Variants in KIRREL3 observed in about 807,000 individuals in gnomAD.
The protein encoded by KIRREL3 is kirre like nephrin family adhesion molecule 3.
In KIRREL3, 36 loss-of-function variants were observed where a neutral mutation model predicts 89.7. The observed-to-expected ratio is 0.40, with a 90% CI of 0.31 to 0.53. The LOEUF (loss-of-function observed/expected upper bound fraction) is 0.53, where lower values mean the gene tolerates loss of function less well. KIRREL3 is among the 20% of genes least tolerant of loss of function. The pLI is 0.49. For synonymous variants in KIRREL3, 445 were observed against 441.4 expected (o/e 1.01, Z -0.10); for missense variants, 864 against 1,056.6 (o/e 0.82, Z 2.53).
At chr11:126,621,393 G>A (rs1262005916) in intron 1 of KIRREL3, among the ~76,000 whole-genome samples, 1 of 152,222 alleles carries the variant, frequency 6.6e-6, no homozygotes, top group African/African-American at 2.4e-5. Context: ...GTTTTTGCTT[G>A]TTCTGTGAAG....
chr11:126,849,614 T>C (rs1017107953), intron 1 of KIRREL3, among the ~76,000 whole-genome samples: 1 of 152,102 alleles, frequency 6.6e-6, no homozygotes, highest in Non-Finnish European at 1.5e-5. Flanking sequence ...GGAAATCAGC[T>C]GCAGAAGGAG....
intron 1 of KIRREL3, among the ~76,000 whole-genome samples, chr11:126,957,348 A>T (rs910132370): frequency 6.6e-5 from 10 of 152,344 alleles, no homozygotes; most frequent in South Asian, 2.1e-4. Flanking sequence ...TCAGGATGTT[A>T]TCTTACTTGG....
chr11:126,768,170 A>ATCCAATCCATCC lies in KIRREL3; in HGVS notation c.56-205259_56-205258insGGATGGATTGGA, dbSNP rs1171306684. Among the ~76,000 whole-genome samples the ATCCAATCCATCC allele has an allele frequency of 3.9e-3, 310 of 79,952 alleles. 3 individuals carry two copies. Among genetic ancestry groups the ATCCAATCCATCC allele is most frequent in the African/African-American group, 0.011 (289 of 25,366 alleles). The allele number at this position is 79,952 out of a possible 152,430, so 52.5% of individuals were successfully genotyped here. ...CATCCATCCATCCATCCATCCATCC[A>ATCCAATCCATCC]ATCCATCCATCCATCCATCCATCCA... On this transcript the variant is annotated intron_variant, in intron 1 of 16. Coordinates refer to ENST00000525144, the MANE Select transcript of KIRREL3 (RefSeq NM_032531.4). This position sits in a 1 kb window ranked among gnomAD's most constrained non-coding sequence, Gnocchi z 4.5.
chr11:126,857,197 C>T (rs1944547316), intron 1 of KIRREL3, among the ~76,000 whole-genome samples: 1 of 152,286 alleles, frequency 6.6e-6, no homozygotes, highest in African/African-American at 2.4e-5. Flanking sequence ...ATGCTCCTCC[C>T]AACCCTCCAA....
intron 1 of KIRREL3, among the ~76,000 whole-genome samples, chr11:126,743,304 A>C (rs1415542121): frequency 6.6e-6 from 1 of 152,200 alleles, no homozygotes; most frequent in Non-Finnish European, 1.5e-5. Context: ...GCTTCATGTT[A>C]GTCTATCTAC....
rs931935491 is a variant in KIRREL3, at chr11:126,879,492, T to C, written c.55+120963A>G. ...CCGTTAAGATAACTATAGGTCCTTC[T>C]GATCAACACCATGGTCCTTTCTCCC... On this transcript the variant is annotated intron_variant, in intron 1 of 16. Coordinates refer to ENST00000525144, the MANE Select transcript of KIRREL3 (RefSeq NM_032531.4). The surrounding 1 kb of genome is among the most constrained non-coding windows in gnomAD (Gnocchi z 5.4). 1.9e-4 allele frequency among the ~76,000 whole-genome samples: 29 copies of C among 152,296 alleles called. No individual in the cohort carries two copies. The highest frequency in any genetic ancestry group is 6.0e-4 in the African/African-American group (25 of 41,552).
At position 126,683,785 on chromosome 11, in the gene KIRREL3, C is replaced by T. The variant is rs1207664112; in HGVS notation, c.56-120873G>A. 1.3e-5 allele frequency among the ~76,000 whole-genome samples: 2 copies of T among 152,210 alleles called. No individual in the cohort carries two copies. The highest frequency in any genetic ancestry group is 4.8e-5 in the African/African-American group (2 of 41,450). ...CTGCATTCAGCAGGCCTGGCAGCCT[C>T]CTCTCTCTTGGGATGCAAACTGCTT... On this transcript the variant is annotated intron_variant, in intron 1 of 16. Transcript: ENST00000525144. This position sits in a 1 kb window ranked among gnomAD's most constrained non-coding sequence, Gnocchi z 5.2.
At chr11:126,447,901 A>C (rs1299530350) in intron 8 of KIRREL3, among the ~76,000 whole-genome samples, 1 of 152,226 alleles carries the variant, frequency 6.6e-6, no homozygotes, top group Non-Finnish European at 1.5e-5. Context: ...GGGGCGGTGC[A>C]TGAGCTAAGG....
chr11:126,577,783 T>C (rs965485482), intron 1 of KIRREL3, among the ~76,000 whole-genome samples: 1 of 151,258 alleles, frequency 6.6e-6, no homozygotes, highest in African/African-American at 2.4e-5. Flanking sequence ...AAAAAGACAC[T>C]AACCGTCCTT....
intron 1 of KIRREL3, among the ~76,000 whole-genome samples, chr11:126,602,229 T>C (rs1250508299): frequency 6.6e-6 from 1 of 152,172 alleles, no homozygotes; most frequent in Non-Finnish European, 1.5e-5. Context: ...GTGCTCACTG[T>C]CAGAGGTGGC....
intron 1 of KIRREL3, among the ~76,000 whole-genome samples, chr11:126,927,597 T>G (rs1018176695): frequency 6.6e-6 from 1 of 152,240 alleles, no homozygotes; most frequent in African/African-American, 2.4e-5. Flanking sequence ...TATGGAAAAC[T>G]TTATAGAAAT....
At position 126,562,633 on chromosome 11, in the gene KIRREL3, A is replaced by G. The variant is rs1940211235; in HGVS notation, c.133+202T>C. 6.6e-6 allele frequency among the ~76,000 whole-genome samples: 1 copy of G among 152,196 alleles called. No homozygotes were observed. Among genetic ancestry groups the G allele is most frequent in the Non-Finnish European group, 1.5e-5 (1 of 68,036 alleles). ...AGATTGCATAAAGAAAATGCCCCTGAATCAGCATCCTGTGTTTCAGGCATT... is the reference window on the plus strand; with the variant it reads ...AGATTGCATAAAGAAAATGCCCCTGGATCAGCATCCTGTGTTTCAGGCATT... On this transcript the variant is annotated intron_variant, in intron 2 of 16. Transcript: ENST00000525144. This position sits in a 1 kb window ranked among gnomAD's most constrained non-coding sequence, Gnocchi z 4.7.
Position 126,610,066 on chromosome 11 carries a change from C to T in KIRREL3, c.56-47154G>A, listed in dbSNP as rs1230669179. 6.6e-6 allele frequency among the ~76,000 whole-genome samples: 1 copy of T among 152,072 alleles called. No homozygotes were observed. Among genetic ancestry groups the T allele is most frequent in the African/African-American group, 2.4e-5 (1 of 41,392 alleles). ...CATTGTTTCAGTTACAAAGTTAGGC[C>T]TGACCTGACTCCAAAATCTGTGCTG... On this transcript the variant is annotated intron_variant, in intron 1 of 16. Transcript: ENST00000525144. This position sits in a 1 kb window ranked among gnomAD's most constrained non-coding sequence, Gnocchi z 4.6.
intron 1 of KIRREL3, among the ~76,000 whole-genome samples, chr11:126,861,585 A>G (rs1364452172): frequency 6.6e-6 from 1 of 152,228 alleles, no homozygotes; most frequent in East Asian, 1.9e-4. Flanking sequence ...GCAAATGACC[A>G]ATATAAAAAA....
chr11:126,481,700 A>C (rs12362009), intron 4 of KIRREL3, among the ~76,000 whole-genome samples: 71,145 of 152,086 alleles, frequency 0.47, 18,286 homozygotes, highest in African/African-American at 0.69. Flanking sequence ...GGCTTCCTGG[A>C]TCAGCCATCA....
chr11:126,663,966 G>A (rs1945538105), intron 1 of KIRREL3, among the ~76,000 whole-genome samples: 1 of 152,242 alleles, frequency 6.6e-6, no homozygotes, highest in Non-Finnish European at 1.5e-5. Context: ...GAAAGCACAA[G>A]GTCTGGAGAT....
chr11:126,767,679 C>T (rs1369498779), intron 1 of KIRREL3, among the ~76,000 whole-genome samples: 2 of 152,172 alleles, frequency 1.3e-5, no homozygotes, highest in Non-Finnish European at 2.9e-5. Flanking sequence ...AAGGAATCCC[C>T]TCAGACATTA....
chr11:126,432,846 G>A lies in KIRREL3; in HGVS notation c.1589-1320C>T, dbSNP rs554316995. Among the ~76,000 whole-genome samples, 27 of 152,276 alleles carry A rather than the reference G, an allele frequency of 1.8e-4. No homozygotes were observed. Among genetic ancestry groups the A allele is most frequent in the African/African-American group, 6.0e-4 (25 of 41,560 alleles). On this transcript the variant is annotated intron_variant, in intron 13 of 16. Transcript: ENST00000525144. This position sits in a 1 kb window ranked among gnomAD's most constrained non-coding sequence, Gnocchi z 6.2. The stretch of plus-strand genomic sequence containing the variant: ...CACCCAGCCCTGTTTGGTGTTTGCT[G>A]TTGTTGTTACCCAGGAAGGGGTCAC...
At position 126,651,202 on chromosome 11, in the gene KIRREL3, G is replaced by T. The variant is rs929201552; in HGVS notation, c.56-88290C>A. ...GCAATCCACGTCTAAATGAGAAAAT[G>T]GTTCCTTGCTATAGGATTTCTCAGC... On this transcript the variant is annotated intron_variant, in intron 1 of 16. Transcript: ENST00000525144. This position sits in a 1 kb window ranked among gnomAD's most constrained non-coding sequence, Gnocchi z 4.6. 6.6e-6 allele frequency among the ~76,000 whole-genome samples: 1 copy of T among 152,172 alleles called. No homozygotes were observed.
Sources: allele counts gnomAD v4.1 joint callset (sites outside exome capture counted in the v4.1 genomes callset), GRCh38; gene constraint gnomAD v4.1.1; non-coding constraint Gnocchi (gnomAD v3.1); transcripts MANE v1.5; gene names NCBI Gene and HGNC (gene_info 2026-07-23, HGNC 2026-07-21).